The following CFAP119 variants were observed in gnomAD, a reference collection of about 807,000 sequenced individuals.
CFAP119 encodes cilia and flagella associated protein 119.
chr16:30,759,115 G>A, the CFAP119 span: 3 of 1,614,074 alleles, frequency 1.9e-6, no homozygotes, highest in East Asian at 2.2e-5. Flanking sequence ...CAAACCAGAA[G>A]CAGGAAGAGA....
At chr16:30,758,601 G>T in the CFAP119 span, 1 of 235,612 alleles carries the variant, frequency 4.2e-6, no homozygotes, top group Non-Finnish European at 8.4e-6. Flanking sequence ...TGTTGCCCAG[G>T]CTGGAGTGCA....
the CFAP119 span, chr16:30,758,808 G>T: frequency 1.2e-6 from 1 of 844,760 alleles, no homozygotes; most frequent in South Asian, 1.8e-5. Flanking sequence ...GCCTGCCTCA[G>T]ATTGTGCTGG....
the CFAP119 span, chr16:30,762,024 G>A: frequency 2.0e-6 from 1 of 501,360 alleles, no homozygotes. Flanking sequence ...GAAGTTGCGA[G>A]TGCCCACCTG....
At chr16:30,759,096 C>T in the CFAP119 span, 11 of 1,614,100 alleles carry the variant, frequency 6.8e-6, no homozygotes, top group Admixed American at 6.7e-5. Context: ...TTGCTTTCTT[C>T]TTTCTCTGCA....
the CFAP119 span, chr16:30,760,891 T>G: frequency 1.6e-6 from 1 of 620,218 alleles, no homozygotes; most frequent in Non-Finnish European, 2.8e-6. Context: ...TTCTTTTTTC[T>G]GCTCTGCCAC....
chr16:30,757,473 G>A, the CFAP119 span: 8 of 1,612,198 alleles, frequency 5.0e-6, no homozygotes, highest in Non-Finnish European at 6.8e-6. Context: ...AAAATGTTGG[G>A]GGTCACTTGG....
At chr16:30,759,798 T>C in the CFAP119 span, 1 of 1,533,792 alleles carries the variant, frequency 6.5e-7, no homozygotes, top group African/African-American at 1.4e-5. Flanking sequence ...AACAGCTGTT[T>C]ATGACCATGA....
the CFAP119 span, chr16:30,759,437 GGTCGAT>G: frequency 6.2e-7 from 1 of 1,614,124 alleles, no homozygotes; most frequent in Admixed American, 1.7e-5. Flanking sequence ...TCTTTGAAGA[GGTCGAT>G]GCTGAAAGGA....
the CFAP119 span, chr16:30,760,276 CCT>C: frequency 6.2e-7 from 1 of 1,614,192 alleles, no homozygotes. Flanking sequence ...GTAGCTGCCC[CCT>C]CTCACCAATA....
the CFAP119 span, chr16:30,759,824 A>G: frequency 6.7e-7 from 1 of 1,501,812 alleles, no homozygotes; most frequent in Non-Finnish European, 8.9e-7. Context: ...AGAAGCAGAC[A>G]GATCTGGGTT....
At chr16:30,761,753 C>G in the CFAP119 span, 1 of 1,518,328 alleles carries the variant, frequency 6.6e-7, no homozygotes. Flanking sequence ...GAGCATCTCG[C>G]CGCTCTTCCG....
the CFAP119 span, chr16:30,758,722 T>G: frequency 2.4e-6 from 1 of 416,436 alleles, no homozygotes; most frequent in Non-Finnish European, 4.4e-6. Flanking sequence ...TGCCTGGCTA[T>G]TTTTTGTATT....
the CFAP119 span, chr16:30,761,711 C>T: frequency 1.5e-5 from 23 of 1,531,880 alleles, no homozygotes; most frequent in Non-Finnish European, 1.9e-5. Flanking sequence ...CGACTGCACC[C>T]TCATTCCCAA....
the CFAP119 span, chr16:30,760,333 C>T: frequency 6.2e-7 from 1 of 1,614,240 alleles, no homozygotes; most frequent in Non-Finnish European, 8.5e-7. Context: ...CCGCTGACGT[C>T]TGCTCCAGTG....
At chr16:30,757,532 C>T in the CFAP119 span, 2 of 1,614,242 alleles carry the variant, frequency 1.2e-6, no homozygotes, top group East Asian at 2.2e-5. Context: ...CGCTCTAGTG[C>T]AGTCAACTTG....
chr16:30,761,320 C>T, the CFAP119 span: 40 of 1,569,320 alleles, frequency 2.5e-5, no homozygotes, highest in Admixed American at 3.3e-5. Context: ...TGTAACTTGC[C>T]ATCTCATCTC....
At chr16:30,761,296 GC>G in the CFAP119 span, 3 of 1,600,686 alleles carry the variant, frequency 1.9e-6, no homozygotes, top group Non-Finnish European at 2.6e-6. Flanking sequence ...TCTCCAGCAG[GC>G]CGGAGAAGCC....
chr16:30,758,782 T>C, the CFAP119 span: 1 of 670,620 alleles, frequency 1.5e-6, no homozygotes, highest in Non-Finnish European at 2.4e-6. Flanking sequence ...CGCGAACTCC[T>C]GAGCTCAGGC....
At chr16:30,761,703 A>C in the CFAP119 span, 3 of 1,533,662 alleles carry the variant, frequency 2.0e-6, no homozygotes, top group Non-Finnish European at 2.6e-6. Context: ...TCAAGCTCCG[A>C]CTGCACCCTC....
Sources: gnomAD v4.1 joint callset for allele counts on GRCh38, gnomAD v4.1.1 for gene constraint, MANE v1.5 for transcripts, NCBI Gene and HGNC (gene_info 2026-07-23, HGNC 2026-07-21) for gene names.